ARHGAP24: variants seen among roughly 807,000 people sequenced by gnomAD.
ARHGAP24 encodes Rho GTPase activating protein 24.
A neutral mutation model predicts 76.4 loss-of-function variants in ARHGAP24; 50 were observed. The ratio of observed to expected loss-of-function variants is 0.65; its 90% confidence interval spans 0.52 to 0.83. ARHGAP24 has a LOEUF of 0.83. Ranked by LOEUF, ARHGAP24 falls within the 40% of genes least tolerant of loss-of-function variation. ARHGAP24 has a pLI of 0.00. For synonymous variants in ARHGAP24, 345 were observed against 323.3 expected (o/e 1.07, Z -0.72); for missense variants, 930 against 914.2 (o/e 1.02, Z -0.22).
chr4:85,519,954 A>T (rs59472265), intron 1 of ARHGAP24, among the ~76,000 whole-genome samples: 18,402 of 152,054 alleles, frequency 0.12, 3,131 homozygotes, highest in African/African-American at 0.38. Context: ...TTTTGAAGTC[A>T]CTTTTGTACT....
intron 2 of ARHGAP24, among the ~76,000 whole-genome samples, chr4:85,670,086 A>G (rs1010165565): frequency 1.3e-5 from 2 of 151,966 alleles, no homozygotes; most frequent in Non-Finnish European, 2.9e-5. Flanking sequence ...CCCCAGGAAT[A>G]TTTTTTCCTA....
intron 3 of ARHGAP24, among the ~76,000 whole-genome samples, chr4:85,783,267 GA>G (rs140844933): frequency 1.3e-5 from 2 of 151,816 alleles, no homozygotes; most frequent in East Asian, 1.9e-4. Context: ...AGAACACTTT[GA>G]AAAAAAATTT....
intron 3 of ARHGAP24, among the ~76,000 whole-genome samples, chr4:85,804,442 T>G (rs1728707044): frequency 1.3e-5 from 2 of 152,168 alleles, no homozygotes; most frequent in Admixed American, 6.5e-5. Flanking sequence ...AAACAAGATT[T>G]TTATGAATCA....
intron 1 of ARHGAP24, among the ~76,000 whole-genome samples, chr4:85,558,060 C>T (rs1278883782): frequency 6.6e-6 from 1 of 152,132 alleles, no homozygotes; most frequent in Non-Finnish European, 1.5e-5. Context: ...AGATGCTCAT[C>T]CTTTCAGTGT....
chr4:85,677,747 T>C (rs755170422), intron 2 of ARHGAP24, among the ~76,000 whole-genome samples: 4 of 152,214 alleles, frequency 2.6e-5, no homozygotes, highest in South Asian at 2.1e-4. Flanking sequence ...GCCAACTGTT[T>C]GTTGGTATTA....
intron 3 of ARHGAP24, among the ~76,000 whole-genome samples, chr4:85,749,713 C>A (rs777294326): frequency 4.6e-5 from 7 of 152,046 alleles, no homozygotes; most frequent in Non-Finnish European, 1.0e-4. Context: ...TTACAGGCAC[C>A]TGCCACCACG....
intron 3 of ARHGAP24, among the ~76,000 whole-genome samples, chr4:85,746,988 G>A (rs1726066217): frequency 6.6e-6 from 1 of 152,128 alleles, no homozygotes; most frequent in Non-Finnish European, 1.5e-5. Context: ...CATTAATACA[G>A]GACTTCAGGG....
Position 85,693,626 on chromosome 4 carries a change from G to A in ARHGAP24, c.181-28259G>A, listed in dbSNP as rs527573384. On this transcript the variant is annotated intron_variant, in intron 2 of 9. Transcript: ENST00000395184. ...TCCCAGGCCACTAGAAACATACTCA[G>A]GTGGAGCAAAACACCAGCCAGGTCA... is the stretch of plus-strand genomic sequence containing the variant. 2.6e-5 allele frequency among the ~76,000 whole-genome samples: 4 copies of A among 152,306 alleles called. No individual in the cohort carries two copies. The East Asian group carries it at 5.8e-4, about 22-fold the overall frequency.
intron 3 of ARHGAP24, among the ~76,000 whole-genome samples, chr4:85,889,088 C>T (rs562919104): frequency 6.6e-6 from 1 of 152,110 alleles, no homozygotes; most frequent in African/African-American, 2.4e-5. Flanking sequence ...AGTAAACATA[C>T]ACATGCATGT....
chr4:85,690,156 A>AT (rs1723575410), intron 2 of ARHGAP24, among the ~76,000 whole-genome samples: 1 of 152,274 alleles, frequency 6.6e-6, no homozygotes, highest in East Asian at 1.9e-4. Context: ...AATCACATTT[A>AT]TTGATTTGTT....
chr4:85,668,220 T>C (rs1382789837), intron 2 of ARHGAP24, among the ~76,000 whole-genome samples: 1 of 152,248 alleles, frequency 6.6e-6, no homozygotes, highest in Non-Finnish European at 1.5e-5. Flanking sequence ...TCTAATACTA[T>C]GTTCATACAC....
At chr4:85,813,216 C>T (rs1327035175) in intron 3 of ARHGAP24, among the ~76,000 whole-genome samples, 1 of 152,118 alleles carries the variant, frequency 6.6e-6, no homozygotes, top group African/African-American at 2.4e-5. Context: ...CTTAGTATAC[C>T]TCAGTGCACC....
At chr4:85,771,448 G>A (rs1578212333) in intron 3 of ARHGAP24, among the ~76,000 whole-genome samples, 2 of 152,258 alleles carry the variant, frequency 1.3e-5, no homozygotes, top group East Asian at 1.9e-4. Flanking sequence ...TCATGTCCTC[G>A]GCAGATTGCA....
At chr4:85,894,427 G>T (rs1233122997) in intron 3 of ARHGAP24, among the ~76,000 whole-genome samples, 1 of 152,140 alleles carries the variant, frequency 6.6e-6, no homozygotes, top group Non-Finnish European at 1.5e-5. Context: ...CAAGAAAAAG[G>T]TGTATAGTCA....
At chr4:85,781,641 T>C (rs1727560696) in intron 3 of ARHGAP24, among the ~76,000 whole-genome samples, 1 of 150,716 alleles carries the variant, frequency 6.6e-6, no homozygotes, top group Admixed American at 6.6e-5. Context: ...TCAGATGGTG[T>C]ATATGACAAA....
At chr4:85,587,829 C>T (rs1219558864) in intron 2 of ARHGAP24, among the ~76,000 whole-genome samples, 1 of 152,086 alleles carries the variant, frequency 6.6e-6, no homozygotes, top group African/African-American at 2.4e-5. Flanking sequence ...TGATCTAAAA[C>T]AAGTCACTGC....
At chr4:85,867,662 C>T (rs973701662) in intron 3 of ARHGAP24, among the ~76,000 whole-genome samples, 4 of 151,644 alleles carry the variant, frequency 2.6e-5, no homozygotes, top group African/African-American at 9.7e-5. Context: ...ATCAGCTCCC[C>T]TTCTTTTTTG....
At chr4:85,499,005 A>T (rs188369458) in intron 1 of ARHGAP24, among the ~76,000 whole-genome samples, 1 of 152,320 alleles carries the variant, frequency 6.6e-6, no homozygotes, top group East Asian at 1.9e-4. Context: ...TAGAGAAGAA[A>T]CCTCACAGTT....
intron 3 of ARHGAP24, among the ~76,000 whole-genome samples, chr4:85,760,963 C>T (rs1359198779): frequency 1.3e-5 from 2 of 152,182 alleles, no homozygotes; most frequent in African/African-American, 2.4e-5. Flanking sequence ...TTTTCAGTCA[C>T]ATATCAGCCC....
Sources: gnomAD v4.1 joint callset for allele counts (sites outside exome capture counted in the v4.1 genomes callset) on GRCh38, gnomAD v4.1.1 for gene constraint, MANE v1.5 for transcripts, NCBI Gene and HGNC (gene_info 2026-07-23, HGNC 2026-07-21) for gene names.